PCDHGA5: variants seen among roughly 807,000 people sequenced by gnomAD.
The protein encoded by PCDHGA5 is protocadherin gamma subfamily A, 5, also known as protocadherin gamma-A5.
In PCDHGA5, 36 loss-of-function variants were observed where a neutral mutation model predicts 56.7. The ratio of observed to expected loss-of-function variants is 0.64; its 90% CI spans 0.49 to 0.84. The LOEUF is 0.84. PCDHGA5 is among the 40% of genes least tolerant of loss of function. The pLI is 0.00. For synonymous variants in PCDHGA5, 563 were observed against 520.2 expected (o/e 1.08, Z -1.12); for missense variants, 1,305 against 1,201.5 (o/e 1.09, Z -1.27).
At position 141,366,578 on chromosome 5, in the gene PCDHGA5, C is replaced by T; in HGVS notation, c.2248C>T (p.Leu750=). ...GGGCGTGGATGGGGTTCGGGCTTTC[C>T]TGCAGACCTATTCCCACGAGGTCTC... ...FVGVDGVRAF[L]QTYSHEVSLT... is the part of the protein sequence containing the mutation. The change falls in exon 1 of 4, where the codon CTG becomes TTG. Residue 750 remains leucine (L), a synonymous_variant. Coordinates refer to ENST00000518069, the MANE Select transcript of PCDHGA5 (RefSeq NM_018918.3). The T allele has an allele frequency of 6.2e-7, 1 of 1,614,264 alleles. No individual in the cohort carries two copies. Among genetic ancestry groups the T allele is most frequent in the Non-Finnish European group, 8.5e-7 (1 of 1,180,046 alleles).
In PCDHGA5 at chr5:141,431,202, C is replaced by T. The variant is rs2097350864; in HGVS notation, c.2422-63605C>T. The stretch of plus-strand genomic sequence containing the variant: ...ATAAAAATTAGTGAAAATGCAGCCA[C>T]TGAGATGCGGTTCCCTCTACCCCAC... On this transcript the variant is annotated intron_variant, in intron 1 of 3. Coordinates refer to ENST00000518069, the MANE Select transcript of PCDHGA5 (RefSeq NM_018918.3). The surrounding 1 kb of genome is among the most constrained non-coding windows in gnomAD (Gnocchi z 4.8). 6.2e-7 allele frequency: 1 copy of T among 1,614,204 alleles called. No individual in the cohort carries two copies. Among genetic ancestry groups the T allele is most frequent in the Non-Finnish European group, 8.5e-7 (1 of 1,180,052 alleles).
intron 1 of PCDHGA5, chr5:141,422,865 C>G: frequency 1.2e-6 from 2 of 1,614,244 alleles, no homozygotes; most frequent in Non-Finnish European, 1.7e-6. Context: ...TCAGCAGCAA[C>G]GTGTCGCTGA....
At chr5:141,393,848 A>T (rs1368797606) in intron 1 of PCDHGA5, 6 of 1,614,008 alleles carry the variant, frequency 3.7e-6, no homozygotes, top group Non-Finnish European at 5.1e-6. Flanking sequence ...ACAATAGACC[A>T]GAAGTGATCA....
intron 2 of PCDHGA5, among the ~76,000 whole-genome samples, chr5:141,502,719 C>G (rs1242423173): frequency 1.3e-5 from 2 of 152,190 alleles, no homozygotes; most frequent in Non-Finnish European, 2.9e-5. Flanking sequence ...TCAGTGATTA[C>G]AAAGCGGTGA....
rs376764580 is a variant in PCDHGA5 at position 141,400,568 on chromosome 5, T to C, written c.2421+33817T>C. On this transcript the variant is annotated intron_variant, in intron 1 of 3. Coordinates refer to ENST00000518069, the MANE Select transcript of PCDHGA5 (RefSeq NM_018918.3). ...TATTCTTTTTCATTACCCACCCAATTTTCTGTATTTACATGAAACTATCGT... is the reference window on the plus strand; with the variant it reads ...TATTCTTTTTCATTACCCACCCAATCTTCTGTATTTACATGAAACTATCGT... 46 of 1,612,870 alleles carry C rather than the reference T, an allele frequency of 2.9e-5. No homozygotes were observed. In the African/African-American group the frequency reaches 5.7e-4, roughly 20 times the overall value.
intron 1 of PCDHGA5, chr5:141,424,504 GT>G (rs892941709): frequency 6.6e-6 from 1 of 152,016 alleles, no homozygotes; most frequent in Non-Finnish European, 1.5e-5. Context: ...TGTATGGAAG[GT>G]TTTTTAATGT....
At chr5:141,408,844 C>G (rs1359968983) in intron 1 of PCDHGA5, 1 of 1,613,634 alleles carries the variant, frequency 6.2e-7, no homozygotes, top group South Asian at 1.1e-5. Context: ...TATTGACTGC[C>G]TTGGACGGAG....
chr5:141,367,723 G>A (rs1211855605), intron 1 of PCDHGA5: 2 of 152,102 alleles, frequency 1.3e-5, no homozygotes, highest in Non-Finnish European at 2.9e-5. Flanking sequence ...GCTTCGTTCT[G>A]TGATGTAAAG....
chr5:141,372,041 C>A (rs779511565), intron 1 of PCDHGA5: 1 of 1,613,374 alleles, frequency 6.2e-7, no homozygotes, highest in Non-Finnish European at 8.5e-7. Flanking sequence ...TGAGCCTGCG[C>A]GTGTTGGTGG....
Position 141,487,535 on chromosome 5 carries a change from G to A in PCDHGA5, c.2422-7272G>A. 6.2e-7 allele frequency: 1 copy of A among 1,614,154 alleles called. No individual in the cohort carries two copies. Among genetic ancestry groups the A allele is most frequent in the South Asian group, 1.1e-5 (1 of 91,084 alleles). ...CACTCGGAGTGATAGCTTCATGATG[G>A]TGAAGTCACCCAGTGCACCTATGGC... On this transcript the variant is annotated intron_variant, in intron 1 of 3. Transcript: ENST00000518069. This position sits in a 1 kb window ranked among gnomAD's most constrained non-coding sequence, Gnocchi z 5.0.
chr5:141,410,161 A>C (rs2095363664), intron 1 of PCDHGA5: 1 of 1,613,220 alleles, frequency 6.2e-7, no homozygotes, highest in African/African-American at 1.3e-5. Context: ...GACAGCCGCC[A>C]CTCTCTGCCA....
intron 1 of PCDHGA5, chr5:141,411,432 AC>A (rs1483186233): frequency 6.6e-6 from 1 of 151,012 alleles, no homozygotes; most frequent in African/African-American, 2.4e-5. Context: ...ACAAAAAAAA[AC>A]ATTAGCAGAG....
Position 141,432,951 on chromosome 5 carries a change from G to T in PCDHGA5, c.2422-61856G>T, listed in dbSNP as rs758046420. 1.2e-6 allele frequency: 2 copies of T among 1,614,178 alleles called. No individual in the cohort carries two copies. The highest frequency in any genetic ancestry group is 4.5e-5 in the East Asian group (2 of 44,858). On this transcript the variant is annotated intron_variant, in intron 1 of 3. Coordinates refer to ENST00000518069, the MANE Select transcript of PCDHGA5 (RefSeq NM_018918.3). This position sits in a 1 kb window ranked among gnomAD's most constrained non-coding sequence, Gnocchi z 6.0. ...CGCCTGCTGCAGGCTTCAGGAGGCGGCTTGACAGGAGCGCCGGCGTCGCAC... is the reference window on the plus strand; with the variant it reads ...CGCCTGCTGCAGGCTTCAGGAGGCGTCTTGACAGGAGCGCCGGCGTCGCAC...
chr5:141,431,068 A>G lies in PCDHGA5; in HGVS notation c.2422-63739A>G. 2 of 1,614,218 alleles carry G rather than the reference A, an allele frequency of 1.2e-6. No individual in the cohort carries two copies. Among genetic ancestry groups the G allele is most frequent in the South Asian group, 1.1e-5 (1 of 91,088 alleles). On this transcript the variant is annotated intron_variant, in intron 1 of 3. Coordinates refer to ENST00000518069, the MANE Select transcript of PCDHGA5 (RefSeq NM_018918.3). The surrounding 1 kb of genome is among the most constrained non-coding windows in gnomAD (Gnocchi z 4.8). ...TCTGTATGGGGGCCATCAAGTGTCA[A>G]TTAAATCTAGACATTCTGATGGAGG...
At chr5:141,434,875 A>G (rs2097725018) in intron 1 of PCDHGA5, among the ~76,000 whole-genome samples, 1 of 151,990 alleles carries the variant, frequency 6.6e-6, no homozygotes, top group African/African-American at 2.4e-5. Flanking sequence ...TGTGACAGAT[A>G]CCAACAACAA....
In PCDHGA5 at chr5:141,364,603, C is replaced by T. The variant is rs1763435193; in HGVS notation, c.273C>T (p.Asp91=). 2 of 1,614,062 alleles carry T rather than the reference C, an allele frequency of 1.2e-6. No homozygotes were observed. The highest frequency in any genetic ancestry group is 1.3e-5 in the African/African-American group (1 of 74,954). Residue 91 remains aspartate (D), a synonymous_variant, in exon 1 of 4, where the codon GAC becomes GAT. Coordinates refer to ENST00000518069, the MANE Select transcript of PCDHGA5 (RefSeq NM_018918.3). ...SGSLVTAGRI[D]REELCAQSPL... is the part of the protein sequence containing the mutation. ...GCTTGGTCACCGCGGGCAGGATAGA[C>T]CGGGAGGAGCTCTGCGCTCAGAGCC...
chr5:141,420,415 T>G, intron 1 of PCDHGA5: 1 of 1,217,298 alleles, frequency 8.2e-7, no homozygotes, highest in Non-Finnish European at 1.1e-6. Flanking sequence ...TTATCATTAT[T>G]AAAACAAAAG....
chr5:141,375,730 C>G (rs763067110), intron 1 of PCDHGA5: 3 of 1,614,266 alleles, frequency 1.9e-6, no homozygotes, highest in Non-Finnish European at 2.5e-6. Context: ...TGTCACTGAG[C>G]CTGTTTGTGC....
intron 1 of PCDHGA5, chr5:141,403,578 A>G: frequency 6.2e-7 from 1 of 1,613,850 alleles, no homozygotes. Context: ...ACTGCCCACC[A>G]CCTGGTCCTC....
Sources: allele counts gnomAD v4.1 joint callset (sites outside exome capture counted in the v4.1 genomes callset), GRCh38; gene constraint gnomAD v4.1.1; non-coding constraint Gnocchi (gnomAD v3.1); transcripts MANE v1.5; gene names NCBI Gene and HGNC (gene_info 2026-07-23, HGNC 2026-07-21).